Variants in PDE11A observed in about 807,000 individuals in gnomAD.
PDE11A encodes phosphodiesterase 11A, also known as dual 3',5'-cyclic-AMP and -GMP phosphodiesterase 11A.
A neutral mutation model predicts 100.5 loss-of-function variants in PDE11A; 100 were observed. That is an observed-to-expected ratio of 1.00 (90% CI 0.85 to 1.18). The LOEUF is 1.18. Ranked by LOEUF, PDE11A falls within the 50% of genes most tolerant of loss-of-function variation. The pLI, the probability that PDE11A is intolerant of heterozygous loss-of-function variation, is 0.00. For synonymous variants in PDE11A, 381 were observed against 420.8 expected (o/e 0.91, Z 1.16); for missense variants, 1,141 against 1,152.6 (o/e 0.99, Z 0.15).
rs1173068300 is a variant in PDE11A, at chr2:177,660,031, T to TTTTCTTTC, written c.2646+3827_2646+3834dup. On this transcript the variant is annotated intron_variant, in intron 19 of 19. Coordinates refer to ENST00000286063, the MANE Select transcript of PDE11A (RefSeq NM_016953.4). Reference sequence around the variant, plus strand: ...TCACGACTTCATCCTGTTACAATCATTTTCTTTCTTTCTTTCTTTCTTTCT... The same window carrying TTTTCTTTC: ...TCACGACTTCATCCTGTTACAATCATTTTCTTTCTTTCTTTCTTTCTTTCTTTCTTTCT... Among the ~76,000 whole-genome samples the TTTTCTTTC allele has an allele frequency of 3.7e-3, 464 of 125,552 alleles. 4 individuals carry two copies. Among genetic ancestry groups the TTTTCTTTC allele is most frequent in the African/African-American group, 8.6e-3 (294 of 33,996 alleles). 82.4% of individuals were successfully genotyped at this position (125,552 alleles called of 152,430 possible).
At chr2:177,989,652 T>C (rs949889893) in intron 2 of PDE11A, among the ~76,000 whole-genome samples, 3 of 152,158 alleles carry the variant, frequency 2.0e-5, no homozygotes, top group South Asian at 2.1e-4. Context: ...AAGAAGTGCA[T>C]GCTCAGTTAG....
intron 15 of PDE11A, 79 bp downstream of exon 15, chr2:177,697,253 G>C: frequency 1.3e-6 from 1 of 787,498 alleles, no homozygotes; most frequent in South Asian, 1.4e-5. Context: ...AGAATAACAG[G>C]TAACCTCCAG....
intron 9 of PDE11A, among the ~76,000 whole-genome samples, chr2:177,807,226 T>C (rs2082885206): frequency 6.6e-6 from 1 of 152,074 alleles, no homozygotes; most frequent in South Asian, 2.1e-4. Context: ...GAGTTTTCAC[T>C]AGTAACAACG....
chr2:177,713,209 A>T (rs1430177900), intron 12 of PDE11A, among the ~76,000 whole-genome samples: 1 of 152,034 alleles, frequency 6.6e-6, no homozygotes, highest in Non-Finnish European at 1.5e-5. Flanking sequence ...GGGTTTCACC[A>T]TATTAGTGAG....
chr2:177,649,557 TAC>T (rs1271664973), intron 19 of PDE11A, among the ~76,000 whole-genome samples: 1 of 152,208 alleles, frequency 6.6e-6, no homozygotes, highest in Non-Finnish European at 1.5e-5. Flanking sequence ...TGTTCATAGA[TAC>T]ATATGCACTT....
intron 6 of PDE11A, among the ~76,000 whole-genome samples, chr2:177,835,850 A>G (rs1246273426): frequency 6.6e-6 from 1 of 152,156 alleles, no homozygotes; most frequent in Admixed American, 6.5e-5. Context: ...TGGGTCCCCC[A>G]GCAGTGCCGG....
At chr2:177,819,321 A>T (rs1347057908) in intron 7 of PDE11A, among the ~76,000 whole-genome samples, 1 of 152,114 alleles carries the variant, frequency 6.6e-6, no homozygotes, top group Middle Eastern at 3.2e-3. Flanking sequence ...TTTAATAAGC[A>T]GCAGTGTCTT....
intron 5 of PDE11A, among the ~76,000 whole-genome samples, 156 bp from the exon 6 acceptor site, chr2:177,840,539 A>G (rs1414546493): frequency 6.6e-6 from 1 of 152,250 alleles, no homozygotes; most frequent in East Asian, 1.9e-4. Flanking sequence ...AATTATCAGT[A>G]GCTACTTCGA....
At chr2:177,831,306 AG>A (rs1485760448) in intron 6 of PDE11A, among the ~76,000 whole-genome samples, 1 of 152,236 alleles carries the variant, frequency 6.6e-6, no homozygotes, top group Non-Finnish European at 1.5e-5. Flanking sequence ...TCCTATCAAA[AG>A]GAAGACCAAC....
At chr2:177,765,914 T>C (rs1420472735) in intron 10 of PDE11A, among the ~76,000 whole-genome samples, 1 of 152,228 alleles carries the variant, frequency 6.6e-6, no homozygotes, top group African/African-American at 2.4e-5. Context: ...CAACTTGGGT[T>C]CCAACTGAAG....
At chr2:177,845,632 G>C (rs538183056) in intron 5 of PDE11A, among the ~76,000 whole-genome samples, 1 of 152,106 alleles carries the variant, frequency 6.6e-6, no homozygotes, top group Non-Finnish European at 1.5e-5. Context: ...ACGGGGTGGC[G>C]GCCGGGCAGA....
In PDE11A at chr2:178,039,022, C is replaced by T. The variant is rs1190864878; in HGVS notation, c.913-24562G>A. 3.9e-5 allele frequency: 6 copies of T among 152,150 alleles called. No individual in the cohort carries two copies. In the East Asian group the frequency reaches 9.6e-4, roughly 24 times the overall value. 9.4% of individuals were successfully genotyped at this position (152,150 alleles called of 1,614,324 possible). A position where few individuals can be genotyped will look rare whatever the true frequency, so the allele number is the denominator to read the frequency against. ...ATATTTTTAGCAATCCCATTACTGG[C>T]TATATAACCAGAGGAATATAAGTCA... On this transcript the variant is annotated intron_variant, in intron 1 of 19. Transcript: ENST00000286063.
intron 17 of PDE11A, among the ~76,000 whole-genome samples, chr2:177,673,941 C>A (rs1445668187): frequency 6.6e-6 from 1 of 152,148 alleles, no homozygotes; most frequent in South Asian, 2.1e-4. Flanking sequence ...AGCCCCAATA[C>A]AGAATAAGGA....
chr2:177,818,325 ATATC>A (rs1236315468), intron 7 of PDE11A, among the ~76,000 whole-genome samples: 3 of 142,560 alleles, frequency 2.1e-5, no homozygotes, highest in Non-Finnish European at 1.6e-5. Context: ...ATATATATAT[ATATC>A]ATACTCTGAA....
intron 18 of PDE11A, among the ~76,000 whole-genome samples, chr2:177,664,937 G>A (rs1488836369): frequency 6.6e-6 from 1 of 152,130 alleles, no homozygotes; most frequent in East Asian, 1.9e-4. Context: ...GGAAAATCCT[G>A]CATCGTTCAG....
At chr2:177,702,197 G>A (rs187762695) in intron 13 of PDE11A, among the ~76,000 whole-genome samples, 7 of 151,908 alleles carry the variant, frequency 4.6e-5, no homozygotes, top group Admixed American at 2.6e-4. Flanking sequence ...TCTGCAAAGC[G>A]TTCATTACTT....
intron 9 of PDE11A, among the ~76,000 whole-genome samples, chr2:177,810,018 A>G (rs1306191760): frequency 6.6e-6 from 1 of 152,116 alleles, no homozygotes. Context: ...CTTCATCCTC[A>G]TCTAAGGATA....
At chr2:177,681,277 T>A (rs558086455) in intron 15 of PDE11A, among the ~76,000 whole-genome samples, 2 of 152,322 alleles carry the variant, frequency 1.3e-5, no homozygotes, top group South Asian at 4.1e-4. Context: ...TGTTCTTTTA[T>A]CATCCAACAA....
chr2:177,982,090 T>C (rs80336891), intron 2 of PDE11A, among the ~76,000 whole-genome samples: 1,660 of 151,160 alleles, frequency 0.011, 42 homozygotes, highest in African/African-American at 0.038. Flanking sequence ...ACAACTTCAA[T>C]TGTACTAATC....
Sources: allele counts gnomAD v4.1 joint callset (sites outside exome capture counted in the v4.1 genomes callset), GRCh38; gene constraint gnomAD v4.1.1; transcripts MANE v1.5; gene names NCBI Gene and HGNC (gene_info 2026-07-23, HGNC 2026-07-21).